RIPOR2: variants seen among roughly 807,000 people sequenced by gnomAD.
RIPOR2 encodes the protein rho family-interacting cell polarization regulator 2.
In RIPOR2, 39 loss-of-function variants were observed where a neutral mutation model predicts 114.5. The observed-to-expected ratio is 0.34, with a 90% CI of 0.26 to 0.44. The LOEUF (loss-of-function observed/expected upper bound fraction) is 0.44. Among genes scored for constraint, RIPOR2 ranks in the 20% least tolerant of loss-of-function variants. The probability of loss-of-function intolerance (pLI) is 1.00; values close to 1 mark genes in which losing one functional copy is unlikely to be tolerated. For missense variants in RIPOR2, 1,007 were observed against 1,255.1 expected, an observed-to-expected ratio of 0.80 and a Z score of 2.99; for synonymous variants, 445 against 484.4, an observed-to-expected ratio of 0.92 and a Z score of 1.07.
intron 1 of RIPOR2, among the ~76,000 whole-genome samples, chr6:24,941,558 C>A (rs545031826): frequency 6.6e-6 from 1 of 152,244 alleles, no homozygotes; most frequent in South Asian, 2.1e-4. Context: ...CACTAATTGT[C>A]CCAAATTAAA....
intron 1 of RIPOR2, among the ~76,000 whole-genome samples, chr6:24,996,777 C>G (rs1775066907): frequency 6.6e-6 from 1 of 152,214 alleles, no homozygotes; most frequent in Non-Finnish European, 1.5e-5. Flanking sequence ...GCACTTTATA[C>G]AGGCTTCTAT....
intron 1 of RIPOR2, among the ~76,000 whole-genome samples, chr6:25,022,034 T>C (rs1776347756): frequency 6.6e-6 from 1 of 152,206 alleles, no homozygotes; most frequent in Admixed American, 6.5e-5. Context: ...TCTGTAATTA[T>C]GTAGAAATGA....
intron 1 of RIPOR2, among the ~76,000 whole-genome samples, chr6:25,002,944 C>T (rs900278558): frequency 6.6e-6 from 1 of 152,192 alleles, no homozygotes; most frequent in East Asian, 1.9e-4. Context: ...GATCCAAGTA[C>T]AAAAAGTGAT....
chr6:24,871,239 T>C (rs1765131895), intron 4 of RIPOR2, among the ~76,000 whole-genome samples: 1 of 152,152 alleles, frequency 6.6e-6, no homozygotes, highest in South Asian at 2.1e-4. Context: ...TGTAAATTCA[T>C]GGTCATTAAA....
At chr6:24,876,151 G>A (rs1262881134) in intron 1 of RIPOR2, among the ~76,000 whole-genome samples, 3 of 151,960 alleles carry the variant, frequency 2.0e-5, no homozygotes, top group Non-Finnish European at 4.4e-5. Context: ...TTAGCTGGGC[G>A]TGGTGGCGCA....
chr6:24,891,762 C>T (rs1460439824), intron 1 of RIPOR2, among the ~76,000 whole-genome samples: 1 of 152,190 alleles, frequency 6.6e-6, no homozygotes, highest in Non-Finnish European at 1.5e-5. Context: ...TCACACCAAG[C>T]TCTCACTTAG....
intron 1 of RIPOR2, among the ~76,000 whole-genome samples, chr6:24,918,174 C>A (rs773160614): frequency 4.6e-5 from 7 of 152,230 alleles, no homozygotes; most frequent in Non-Finnish European, 8.8e-5. Flanking sequence ...CCTATGAGGT[C>A]ACCTTGGGCC....
At chr6:24,826,333 T>C (rs922699524) in intron 18 of RIPOR2, among the ~76,000 whole-genome samples, 1 of 152,156 alleles carries the variant, frequency 6.6e-6, no homozygotes, top group Non-Finnish European at 1.5e-5. Flanking sequence ...GAGTATACTC[T>C]ACTCCCTAAC....
At chr6:24,888,509 T>C (rs1323703820) in intron 1 of RIPOR2, among the ~76,000 whole-genome samples, 1 of 152,172 alleles carries the variant, frequency 6.6e-6, no homozygotes, top group African/African-American at 2.4e-5. Flanking sequence ...TCTTTGGAAA[T>C]CCTAAACAGA....
intron 1 of RIPOR2, among the ~76,000 whole-genome samples, chr6:25,000,451 G>A (rs1263241401): frequency 6.6e-6 from 1 of 152,158 alleles, no homozygotes; most frequent in Non-Finnish European, 1.5e-5. Context: ...CATAGTAAGT[G>A]CTCAATTAGT....
intron 20 of RIPOR2, among the ~76,000 whole-genome samples, chr6:24,817,966 C>T (rs61528548): frequency 0.42 from 42,153 of 99,386 alleles, 7,361 homozygotes; most frequent in East Asian, 0.75. Flanking sequence ...CTTTCCTTTT[C>T]TCTCTCTCTC....
At chr6:24,892,331 C>T (rs1030427254) in intron 1 of RIPOR2, among the ~76,000 whole-genome samples, 7 of 152,002 alleles carry the variant, frequency 4.6e-5, no homozygotes, top group African/African-American at 7.3e-5. Context: ...AGTATAATGG[C>T]GCAATCATAG....
At chr6:24,927,868 A>T (rs1378799172) in intron 1 of RIPOR2, among the ~76,000 whole-genome samples, 2 of 152,226 alleles carry the variant, frequency 1.3e-5, no homozygotes, top group African/African-American at 4.8e-5. Context: ...ACTTCCCCTC[A>T]GTTTGGAAGT....
intron 11 of RIPOR2, among the ~76,000 whole-genome samples, chr6:24,849,011 T>G (rs1315363861): frequency 2.0e-5 from 3 of 152,212 alleles, no homozygotes. Flanking sequence ...TTCAAGTGAT[T>G]CTCTTGCCTT....
intron 1 of RIPOR2, among the ~76,000 whole-genome samples, chr6:25,025,077 G>A (rs1383132824): frequency 1.3e-5 from 2 of 152,140 alleles, no homozygotes; most frequent in African/African-American, 2.4e-5. Context: ...CTAAATGGAG[G>A]GAAGAAGAGT....
At chr6:25,011,432 C>G (rs1388493055) in intron 1 of RIPOR2, among the ~76,000 whole-genome samples, 3 of 152,162 alleles carry the variant, frequency 2.0e-5, no homozygotes, top group African/African-American at 7.2e-5. Context: ...TGCCACATTA[C>G]TTTGGATCTT....
intron 1 of RIPOR2, among the ~76,000 whole-genome samples, chr6:24,986,076 A>G (rs1774517267): frequency 1.3e-5 from 2 of 152,218 alleles, no homozygotes; most frequent in African/African-American, 2.4e-5. Context: ...ATTCTCTTTT[A>G]GAAGATTAAT....
At chr6:25,003,845 A>G (rs780460525) in intron 1 of RIPOR2, among the ~76,000 whole-genome samples, 22 of 152,222 alleles carry the variant, frequency 1.4e-4, no homozygotes, top group Non-Finnish European at 2.2e-4. Context: ...AACTTCAGAT[A>G]CTTACTTGTT....
intron 14 of RIPOR2, among the ~76,000 whole-genome samples, chr6:24,837,258 G>A (rs560001796): frequency 1.3e-5 from 2 of 152,124 alleles, no homozygotes; most frequent in East Asian, 3.9e-4. Context: ...GAGTAACTAG[G>A]ACTACAGGCG....
Sources: gnomAD v4.1 joint callset for allele counts (sites outside exome capture counted in the v4.1 genomes callset) on GRCh38, gnomAD v4.1.1 for gene constraint, MANE v1.5 for transcripts, NCBI Gene and HGNC (gene_info 2026-07-23, HGNC 2026-07-21) for gene names.